Variants in UBE2R2 observed in about 807,000 individuals in gnomAD.
UBE2R2 encodes ubiquitin conjugating enzyme E2 R2, also known as ubiquitin-conjugating enzyme E2 R2.
UBE2R2 carries 1 observed loss-of-function variant against 27.8 expected under a neutral mutation model. The observed-to-expected ratio is 0.04, with a 90% CI of 0.01 to 0.17. UBE2R2 has a LOEUF of 0.17. Among genes scored for constraint, UBE2R2 ranks in the 10% least tolerant of loss-of-function variants. The probability of loss-of-function intolerance (pLI) is 1.00; values close to 1 mark genes in which losing one functional copy is unlikely to be tolerated. For missense variants in UBE2R2, 100 were observed against 291.0 expected, an observed-to-expected ratio of 0.34 and a Z score of 4.78; for synonymous variants, 106 against 113.3, an observed-to-expected ratio of 0.94 and a Z score of 0.41.
chr9:33,890,353 G>GT (rs933020719), intron 2 of UBE2R2, among the ~76,000 whole-genome samples: 1 of 152,060 alleles, frequency 6.6e-6, no homozygotes, highest in Non-Finnish European at 1.5e-5. Flanking sequence ...GGAAGGCTGA[G>GT]TTGAGGAGTT....
rs1454543196 is a variant in UBE2R2, at chr9:33,905,254, AG to A, written c.362+4984del. Among the ~76,000 whole-genome samples the A allele has an allele frequency of 4.7e-5, 7 of 148,478 alleles. No individual in the cohort carries two copies. The East Asian group carries it at 1.4e-3, about 30-fold the overall frequency. ...GAGAGGCTGTTGTTTGGTATAAAAG[AG>A]TCTGTCTCAGAAGTGGGGTAGGATA... On this transcript the variant is annotated intron_variant, in intron 3 of 4. Transcript: ENST00000263228.
At chr9:33,879,012 C>T (rs1296683026) in intron 1 of UBE2R2, among the ~76,000 whole-genome samples, 2 of 152,066 alleles carry the variant, frequency 1.3e-5, no homozygotes, top group Non-Finnish European at 2.9e-5. Context: ...GAGGCCAAAG[C>T]GGGAGGATTG....
At chr9:33,899,782 G>C (rs757456413) in intron 2 of UBE2R2, among the ~76,000 whole-genome samples, 1 of 152,204 alleles carries the variant, frequency 6.6e-6, no homozygotes, top group African/African-American at 2.4e-5. Flanking sequence ...ACAGGCGTGA[G>C]ACACCGCGCC....
upstream of UBE2R2, among the ~76,000 whole-genome samples, chr9:33,816,403 G>T (rs1825758064): frequency 6.6e-6 from 1 of 152,206 alleles, no homozygotes; most frequent in Admixed American, 6.5e-5. Flanking sequence ...AACCACAGTA[G>T]TTTATTTTAC....
At chr9:33,862,792 G>A (rs1267675947) in intron 1 of UBE2R2, among the ~76,000 whole-genome samples, 2 of 152,054 alleles carry the variant, frequency 1.3e-5, no homozygotes, top group African/African-American at 2.4e-5. Flanking sequence ...CCCCCATTTT[G>A]TGGTTTTGCC....
intron 1 of UBE2R2, among the ~76,000 whole-genome samples, chr9:33,882,787 C>A (rs1030752416): frequency 1.3e-5 from 2 of 152,132 alleles, no homozygotes; most frequent in African/African-American, 4.8e-5. Context: ...TACATTTTGT[C>A]ATCTGAAAAA....
intron 1 of UBE2R2, among the ~76,000 whole-genome samples, chr9:33,860,965 GT>G (rs1417830370): frequency 3.0e-4 from 18 of 59,690 alleles, no homozygotes; most frequent in East Asian, 9.7e-4. Flanking sequence ...TTTGTTTTTT[GT>G]TTTTTTTTTT....
intron 2 of UBE2R2, among the ~76,000 whole-genome samples, chr9:33,889,670 G>T (rs534831475): frequency 6.6e-6 from 1 of 152,174 alleles, no homozygotes; most frequent in African/African-American, 2.4e-5. Context: ...GCAAACTTTT[G>T]TCTTGCAATT....
chr9:33,837,993 A>G (rs1376534026), intron 1 of UBE2R2, among the ~76,000 whole-genome samples: 1 of 152,156 alleles, frequency 6.6e-6, no homozygotes, highest in African/African-American at 2.4e-5. Flanking sequence ...GTGTAATTAT[A>G]TGTCTCATAT....
At chr9:33,846,202 A>G (rs1165672749) in intron 1 of UBE2R2, among the ~76,000 whole-genome samples, 4 of 152,068 alleles carry the variant, frequency 2.6e-5, no homozygotes, top group Non-Finnish European at 1.5e-5. Flanking sequence ...AGGCTCAGGC[A>G]GGGGAATCAC....
chr9:33,841,019 G>T (rs1483086891), intron 1 of UBE2R2, among the ~76,000 whole-genome samples: 1 of 151,978 alleles, frequency 6.6e-6, no homozygotes, highest in Non-Finnish European at 1.5e-5. Flanking sequence ...CTGCCCCCCG[G>T]GTTCAAGCAA....
intron 1 of UBE2R2, among the ~76,000 whole-genome samples, chr9:33,840,224 CAGCCATCCAGG>C (rs1820702058): frequency 6.6e-6 from 1 of 152,110 alleles, no homozygotes; most frequent in Non-Finnish European, 1.5e-5. Context: ...CAGAACTTTT[CAGCCATCCAGG>C]AGCCATCCAT....
chr9:33,917,251 T>A lies in UBE2R2; in HGVS notation c.*14T>A, dbSNP rs762050649. ...GAGGAGTCGTGACGTGCTCCTTCAG[T>A]GCCCCTGTACTGCCCTGCCATCTCA... On this transcript the variant is annotated 3_prime_UTR_variant, in exon 5 of 5. Coordinates refer to ENST00000263228, the MANE Select transcript of UBE2R2 (RefSeq NM_017811.4). 1 of 1,613,618 alleles carries A rather than the reference T, an allele frequency of 6.2e-7. No homozygotes were observed. Among genetic ancestry groups the A allele is most frequent in the South Asian group, 1.1e-5 (1 of 91,072 alleles).
chr9:33,870,482 A>G (rs549301233), intron 1 of UBE2R2, among the ~76,000 whole-genome samples: 2 of 152,288 alleles, frequency 1.3e-5, no homozygotes, highest in Non-Finnish European at 2.9e-5. Context: ...AGAATAGGAA[A>G]CCAAGGAAAG....
At chr9:33,897,395 G>T (rs560865560) in intron 2 of UBE2R2, among the ~76,000 whole-genome samples, 5 of 148,446 alleles carry the variant, frequency 3.4e-5, no homozygotes, top group Non-Finnish European at 7.4e-5. Context: ...TCGGCTCACC[G>T]CAACCTCCGC....
At chr9:33,841,860 C>G (rs1485898336) in intron 1 of UBE2R2, among the ~76,000 whole-genome samples, 3 of 152,076 alleles carry the variant, frequency 2.0e-5, no homozygotes, top group African/African-American at 7.2e-5. Flanking sequence ...ATACCATAAC[C>G]AATGTGATTG....
chr9:33,895,589 G>A (rs961368563), intron 2 of UBE2R2, among the ~76,000 whole-genome samples: 12 of 152,104 alleles, frequency 7.9e-5, no homozygotes, highest in African/African-American at 2.9e-4. Context: ...AAATGGGAAG[G>A]TAGGATTTGA....
chr9:33,845,966 T>C (rs1164555263), intron 1 of UBE2R2, among the ~76,000 whole-genome samples: 1 of 152,012 alleles, frequency 6.6e-6, no homozygotes, highest in Non-Finnish European at 1.5e-5. Flanking sequence ...CCGTCTCTAC[T>C]GAAAATACAA....
intron 1 of UBE2R2, among the ~76,000 whole-genome samples, chr9:33,882,184 T>C (rs766871402): frequency 6.6e-5 from 10 of 152,340 alleles, no homozygotes; most frequent in Non-Finnish European, 1.5e-4. Context: ...TTTGGCATTA[T>C]AAGATGCTCT....
Sources: allele counts gnomAD v4.1 joint callset (sites outside exome capture counted in the v4.1 genomes callset), GRCh38; gene constraint gnomAD v4.1.1; transcripts MANE v1.5; gene names NCBI Gene and HGNC (gene_info 2026-07-23, HGNC 2026-07-21).